EFNA5: variants seen among roughly 807,000 people sequenced by gnomAD.
EFNA5 encodes ephrin-A5.
EFNA5 carries 5 observed loss-of-function variants against 22.9 expected under a neutral mutation model. That is an observed-to-expected ratio of 0.22 (90% CI 0.11 to 0.46). The LOEUF (loss-of-function observed/expected upper bound fraction) is 0.46. EFNA5 is among the 20% of genes least tolerant of loss of function. The probability of loss-of-function intolerance (pLI) is 0.99; values close to 1 mark genes in which losing one functional copy is unlikely to be tolerated. For synonymous variants in EFNA5, 113 were observed against 112.2 expected, an observed-to-expected ratio of 1.01 and a Z score of -0.04; for missense variants, 237 against 293.3, an observed-to-expected ratio of 0.81 and a Z score of 1.40.
At chr5:107,650,294 C>T (rs1213176732) in intron 1 of EFNA5, among the ~76,000 whole-genome samples, 1 of 152,164 alleles carries the variant, frequency 6.6e-6, no homozygotes, top group African/African-American at 2.4e-5. Flanking sequence ...AAGTGTCAAA[C>T]CCTTTCTTCC....
intron 1 of EFNA5, among the ~76,000 whole-genome samples, chr5:107,632,922 A>T (rs1033570886): frequency 6.6e-6 from 1 of 152,240 alleles, no homozygotes; most frequent in African/African-American, 2.4e-5. Context: ...GCATTGTAGA[A>T]TTCACCTTAT....
Position 107,381,204 on chromosome 5 carries a change from G to T in EFNA5, c.*51C>A. On this transcript the variant is annotated 3_prime_UTR_variant, in exon 5 of 5. Coordinates refer to ENST00000333274, the MANE Select transcript of EFNA5 (RefSeq NM_001962.3). ...GGATGAGCAGTTAGGTGGATCTCTG[G>T]TGTTCCAAGACCCTGATGTTTTCTG... The T allele has an allele frequency of 6.4e-7, 1 of 1,566,736 alleles. No homozygotes were observed. Among genetic ancestry groups the T allele is most frequent in the Non-Finnish European group, 8.7e-7 (1 of 1,145,898 alleles).
Position 107,634,840 on chromosome 5 carries a change from C to T in EFNA5, c.125+35649G>A, listed in dbSNP as rs1025764719. Among the ~76,000 whole-genome samples the T allele has an allele frequency of 5.3e-5, 6 of 112,604 alleles. 2 individuals are homozygous for T. The highest frequency in any genetic ancestry group is 1.1e-4 in the Non-Finnish European group (5 of 45,666). The allele number at this position is 112,604 out of a possible 152,430, so 73.9% of individuals were successfully genotyped here. A position where few individuals can be genotyped will look rare whatever the true frequency, so the allele number is the denominator to read the frequency against. On this transcript the variant is annotated intron_variant, in intron 1 of 4. Transcript: ENST00000333274. ...ATGTTTAAAAAAGGTAGAACAACCCCAATAGCATATACAAGAGTGAAAGGG... is the reference window on the plus strand; with the variant it reads ...ATGTTTAAAAAAGGTAGAACAACCCTAATAGCATATACAAGAGTGAAAGGG...
chr5:107,656,792 A>G (rs138790098), intron 1 of EFNA5, among the ~76,000 whole-genome samples: 172 of 152,264 alleles, frequency 1.1e-3, no homozygotes, highest in African/African-American at 4.0e-3. Flanking sequence ...ACTGAGGCTT[A>G]GATTCACCAC....
chr5:107,604,075 C>T (rs75444834), intron 1 of EFNA5, among the ~76,000 whole-genome samples: 2,732 of 152,274 alleles, frequency 0.018, 78 homozygotes, highest in African/African-American at 0.059. Context: ...TCTTTGGGGA[C>T]GTGAACCAAT....
At chr5:107,524,934 A>G (rs767803097) in intron 1 of EFNA5, among the ~76,000 whole-genome samples, 1 of 152,246 alleles carries the variant, frequency 6.6e-6, no homozygotes, top group African/African-American at 2.4e-5. Context: ...TCCCAGTTTT[A>G]ATTAAACTCA....
chr5:107,387,456 T>C (rs1318769785), intron 3 of EFNA5, 141 bp from the exon 4 acceptor site: 6 of 636,010 alleles, frequency 9.4e-6, no homozygotes, highest in Non-Finnish European at 1.6e-5. Flanking sequence ...CAAATGCCAA[T>C]ATTGTTCCCA....
intron 1 of EFNA5, among the ~76,000 whole-genome samples, chr5:107,571,802 G>A (rs1748813385): frequency 6.6e-6 from 1 of 152,036 alleles, no homozygotes. Flanking sequence ...TTCCTTTCTC[G>A]TAGAGACACT....
chr5:107,635,580 A>T (rs1233574678), intron 1 of EFNA5, among the ~76,000 whole-genome samples: 1 of 152,186 alleles, frequency 6.6e-6, no homozygotes, highest in Non-Finnish European at 1.5e-5. Flanking sequence ...TTTTGTGCTG[A>T]CACATACCCA....
chr5:107,554,250 A>G (rs953458327), intron 1 of EFNA5, among the ~76,000 whole-genome samples: 1 of 152,228 alleles, frequency 6.6e-6, no homozygotes, highest in Middle Eastern at 3.2e-3. Flanking sequence ...AGGCTAACAA[A>G]TTACAAAAGG....
At chr5:107,584,956 G>C (rs1452184152) in intron 1 of EFNA5, among the ~76,000 whole-genome samples, 2 of 152,110 alleles carry the variant, frequency 1.3e-5, no homozygotes, top group Admixed American at 1.3e-4. Context: ...GTCTTCTTCT[G>C]GTTATTCTAA....
intron 1 of EFNA5, among the ~76,000 whole-genome samples, chr5:107,580,712 AC>A (rs1156571366): frequency 7.4e-6 from 1 of 135,502 alleles, no homozygotes; most frequent in African/African-American, 2.9e-5. Context: ...AAAGAGCAAG[AC>A]TCCATCTCAA....
chr5:107,440,922 G>A (rs1749239367), intron 1 of EFNA5, among the ~76,000 whole-genome samples: 1 of 151,608 alleles, frequency 6.6e-6, no homozygotes, highest in African/African-American at 2.4e-5. Context: ...TTTACTTGTT[G>A]ATGTTTTAAT....
At chr5:107,571,718 C>T (rs1460546794) in intron 1 of EFNA5, among the ~76,000 whole-genome samples, 1 of 152,138 alleles carries the variant, frequency 6.6e-6, no homozygotes, top group East Asian at 1.9e-4. Flanking sequence ...GTCGCATACC[C>T]ACTGGCAGGA....
intron 1 of EFNA5, among the ~76,000 whole-genome samples, chr5:107,592,316 A>C (rs957910543): frequency 6.6e-6 from 1 of 151,542 alleles, no homozygotes; most frequent in Non-Finnish European, 1.5e-5. Context: ...CAATTATACC[A>C]ATGATCAATC....
intron 1 of EFNA5, among the ~76,000 whole-genome samples, chr5:107,662,869 G>A (rs1288102821): frequency 6.6e-6 from 1 of 151,480 alleles, no homozygotes; most frequent in East Asian, 1.9e-4. Flanking sequence ...GGATTTGAGG[G>A]TGGAGGTGAC....
chr5:107,613,226 T>C (rs1035304758), intron 1 of EFNA5, among the ~76,000 whole-genome samples: 2 of 152,130 alleles, frequency 1.3e-5, no homozygotes, highest in African/African-American at 4.8e-5. Flanking sequence ...TGTCTTACAC[T>C]AATAAAAATA....
intron 1 of EFNA5, among the ~76,000 whole-genome samples, chr5:107,504,637 C>G (rs898440590): frequency 3.3e-5 from 5 of 152,154 alleles, no homozygotes; most frequent in Non-Finnish European, 7.4e-5. Flanking sequence ...TTTAACTGCT[C>G]TATGATTCAG....
chr5:107,561,375 C>CT (rs986233054), intron 1 of EFNA5, among the ~76,000 whole-genome samples: 11 of 151,978 alleles, frequency 7.2e-5, no homozygotes, highest in Non-Finnish European at 1.3e-4. Context: ...AAAAAGTACA[C>CT]TTTTTTTTCT....
Sources: gnomAD v4.1 joint callset for allele counts (sites outside exome capture counted in the v4.1 genomes callset) on GRCh38, gnomAD v4.1.1 for gene constraint, MANE v1.5 for transcripts, NCBI Gene and HGNC (gene_info 2026-07-23, HGNC 2026-07-21) for gene names.